ZNF71: variants seen among roughly 807,000 people sequenced by gnomAD.
ZNF71 encodes endothelial zinc finger protein induced by tumor necrosis factor alpha.
ZNF71 carries 3 observed loss-of-function variants against 6.7 expected under a neutral mutation model. The ratio of observed to expected loss-of-function variants is 0.45; its 90% CI spans 0.20 to 1.16. ZNF71 has a LOEUF of 1.16. Among genes scored for constraint, ZNF71 ranks in the 50% most tolerant of loss-of-function variants. The probability of loss-of-function intolerance (pLI) is 0.25; values close to 1 mark genes in which losing one functional copy is unlikely to be tolerated. For missense variants in ZNF71, 688 were observed against 728.6 expected (o/e 0.94, Z 0.64); for synonymous variants, 343 against 311.1 (o/e 1.10, Z -1.08).
Position 56,613,857 on chromosome 19 carries a change from G to A in ZNF71, c.79G>A (p.Glu27Lys). ...TGTGACTGTGGACTTCACCCAGGAGGAGTGGCAGCAGCTGGAGCCTGCCCA... is the reference window on the plus strand; with the variant it reads ...TGTGACTGTGGACTTCACCCAGGAGAAGTGGCAGCAGCTGGAGCCTGCCCA... The part of the protein sequence containing the change: ...RDVTVDFTQE[E>K]WQQLEPAQKD... Residue 27 changes from glutamate (E) to lysine (K), a missense_variant, in exon 3 of 4, where the codon GAG (glutamate) becomes AAG (lysine). By Grantham distance (56) the Glu-to-Lys change is moderately conservative. Coordinates refer to ENST00000599599, the MANE Select transcript of ZNF71 (RefSeq NM_001370215.1). This position sits in a 1 kb window ranked among gnomAD's most constrained non-coding sequence, Gnocchi z 4.6. 8.9e-7 allele frequency: 1 copy of A among 1,123,846 alleles called. No individual in the cohort carries two copies. The highest frequency in any genetic ancestry group is 1.1e-6 in the Non-Finnish European group (1 of 900,094). The allele number at this position is 1,123,846 out of a possible 1,614,324, so 69.6% of individuals were successfully genotyped here.
At chr19:56,602,067 A>G (rs1044784338) in intron 2 of ZNF71, among the ~76,000 whole-genome samples, 3 of 152,138 alleles carry the variant, frequency 2.0e-5, no homozygotes, top group African/African-American at 7.2e-5. Context: ...AGCAATTTTA[A>G]TGTTAAAGAT....
At chr19:56,621,088 C>A (rs2075167) in intron 3 of ZNF71, among the ~76,000 whole-genome samples, 180 bp from the exon 4 acceptor site, 23,748 of 152,120 alleles carry the variant, frequency 0.16, 2,067 homozygotes, top group African/African-American at 0.21. Flanking sequence ...ACCACATTGG[C>A]CTCAGTTCCA....
At chr19:56,607,545 G>A (rs2044719315) in intron 2 of ZNF71, among the ~76,000 whole-genome samples, 1 of 152,164 alleles carries the variant, frequency 6.6e-6, no homozygotes, top group African/African-American at 2.4e-5. Context: ...CCTTTTAACA[G>A]AGGAAGAAAC....
At chr19:56,596,553 T>C (rs1015320284) in intron 1 of ZNF71, among the ~76,000 whole-genome samples, 1 of 152,168 alleles carries the variant, frequency 6.6e-6, no homozygotes, top group Non-Finnish European at 1.5e-5. Context: ...CAGGATCTTC[T>C]TAAAGTGGGA....
intron 3 of ZNF71, among the ~76,000 whole-genome samples, chr19:56,614,335 A>C (rs1036085494): frequency 6.6e-6 from 1 of 152,242 alleles, no homozygotes; most frequent in Non-Finnish European, 1.5e-5. Context: ...ATGAAAAAAG[A>C]ATAATAGCCC....
At chr19:56,596,378 G>A (rs1301145757) in intron 1 of ZNF71, among the ~76,000 whole-genome samples, 2 of 152,142 alleles carry the variant, frequency 1.3e-5, no homozygotes, top group African/African-American at 4.8e-5. Context: ...GGACAAGGGA[G>A]CCTAGCAGAG....
At chr19:56,596,499 C>T (rs368358377) in intron 1 of ZNF71, among the ~76,000 whole-genome samples, 7 of 152,010 alleles carry the variant, frequency 4.6e-5, no homozygotes, top group Non-Finnish European at 8.8e-5. Context: ...TGACAGGGGC[C>T]GGGTGGAGGA....
chr19:56,619,625 G>C (rs958772549), intron 3 of ZNF71, among the ~76,000 whole-genome samples: 3 of 152,188 alleles, frequency 2.0e-5, no homozygotes, highest in African/African-American at 7.2e-5. Flanking sequence ...AGCAGCATCA[G>C]CCTGTGGATA....
intron 3 of ZNF71, among the ~76,000 whole-genome samples, chr19:56,614,877 C>T (rs1464693154): frequency 6.6e-6 from 1 of 152,196 alleles, no homozygotes; most frequent in Non-Finnish European, 1.5e-5. Flanking sequence ...TATTACCCCT[C>T]TCTCCCCTTC....
At position 56,623,007 on chromosome 19, in the gene ZNF71, C is replaced by A; in HGVS notation, c.*250C>A. ...AAGGTTCACTGTAGCTGAGCCATGG[C>A]CGCTGGTAACAGACATCAGGGTTCC... On this transcript the variant is annotated 3_prime_UTR_variant, in exon 4 of 4. Coordinates refer to ENST00000599599, the MANE Select transcript of ZNF71 (RefSeq NM_001370215.1). The A allele has an allele frequency of 3.6e-6, 2 of 557,872 alleles. No individual in the cohort carries two copies. Among genetic ancestry groups the A allele is most frequent in the Non-Finnish European group, 6.4e-6 (2 of 310,576 alleles). 34.6% of individuals were successfully genotyped at this position (557,872 alleles called of 1,614,324 possible).
intron 2 of ZNF71, among the ~76,000 whole-genome samples, chr19:56,604,233 G>C (rs534044358): frequency 1.3e-5 from 2 of 152,234 alleles, no homozygotes; most frequent in East Asian, 3.9e-4. Flanking sequence ...ATGGTTCCAC[G>C]GGTGTATATG....
intron 1 of ZNF71, among the ~76,000 whole-genome samples, chr19:56,599,924 G>A (rs1012545842): frequency 2.6e-5 from 4 of 151,412 alleles, no homozygotes; most frequent in Non-Finnish European, 4.4e-5. Context: ...CTCGTGATCC[G>A]CCCGCCTCGG....
intron 2 of ZNF71, among the ~76,000 whole-genome samples, chr19:56,608,007 G>A (rs1190853938): frequency 6.6e-6 from 1 of 152,204 alleles, no homozygotes; most frequent in Admixed American, 6.5e-5. Flanking sequence ...AGGGCAGCTG[G>A]CTTCCTCCAA....
chr19:56,600,887 G>C (rs970477486), intron 1 of ZNF71, among the ~76,000 whole-genome samples: 1 of 152,068 alleles, frequency 6.6e-6, no homozygotes, highest in Admixed American at 6.5e-5. Context: ...AGAGCCCCTG[G>C]GTGGAAGTTC....
Position 56,601,490 on chromosome 19 carries a change from C to A in ZNF71, c.-52-17C>A. 1 of 979,010 alleles carries A rather than the reference C, an allele frequency of 1.0e-6. No homozygotes were observed. The highest frequency in any genetic ancestry group is 1.2e-6 in the Non-Finnish European group (1 of 823,850). The allele number at this position is 979,010 out of a possible 1,614,324, so 60.6% of individuals were successfully genotyped here. A position where few individuals can be genotyped will look rare whatever the true frequency, so the allele number is the denominator to read the frequency against. ...GCCTGGTCTCTCAGCATGCCTCCCT[C>A]TTTCTTCTCCCTACAGCACTGTTGG... On this transcript the variant is annotated splice_polypyrimidine_tract_variant and intron_variant, in intron 1 of 3. Coordinates refer to ENST00000599599, the MANE Select transcript of ZNF71 (RefSeq NM_001370215.1).
intron 1 of ZNF71, among the ~76,000 whole-genome samples, chr19:56,596,348 C>T (rs2044624079): frequency 2.0e-5 from 3 of 152,212 alleles, no homozygotes; most frequent in African/African-American, 7.2e-5. Context: ...GGGTGTGCCT[C>T]TTCCAAAGAC....
rs754511389 is a variant in ZNF71 at position 56,622,746 on chromosome 19, A to T, written c.1639A>T (p.Ile547Phe). The change falls in exon 4 of 4, where the codon ATT (isoleucine) becomes TTT (phenylalanine). Residue 547 changes from isoleucine (I) to phenylalanine (F), a missense_variant. Coordinates refer to ENST00000599599, the MANE Select transcript of ZNF71 (RefSeq NM_001370215.1). ...CACGAACCTGACGCGCCACCTGCGG[A>T]TTCACACCTGAGCGCCTCTGTGCAG... ...RNTNLTRHLR[I>F]HT is the part of the protein sequence containing the mutation. 2 of 1,601,752 alleles carry T rather than the reference A, an allele frequency of 1.2e-6. No individual in the cohort carries two copies. Among genetic ancestry groups the T allele is most frequent in the African/African-American group, 1.3e-5 (1 of 74,950 alleles).
chr19:56,599,292 A>G (rs1381128283), intron 1 of ZNF71, among the ~76,000 whole-genome samples: 2 of 151,330 alleles, frequency 1.3e-5, no homozygotes, highest in Admixed American at 6.6e-5. Flanking sequence ...CATGGATCCT[A>G]TTTTTTTACT....
chr19:56,607,454 G>A (rs538291668), intron 2 of ZNF71, among the ~76,000 whole-genome samples: 65 of 152,288 alleles, frequency 4.3e-4, no homozygotes, highest in Middle Eastern at 3.4e-3. Flanking sequence ...AGTGCCAGGC[G>A]CTGTTCTAGG....
Sources: gnomAD v4.1 joint callset for allele counts (sites outside exome capture counted in the v4.1 genomes callset) on GRCh38, gnomAD v4.1.1 for gene constraint, Gnocchi (gnomAD v3.1) non-coding constraint, MANE v1.5 for transcripts, NCBI Gene and HGNC (gene_info 2026-07-23, HGNC 2026-07-21) for gene names.